Variants in ZNF718 observed in about 807,000 individuals in gnomAD.
The protein encoded by ZNF718 is zinc finger protein 718.
A neutral mutation model predicts 2.6 loss-of-function variants in ZNF718; 3 were observed. The observed-to-expected ratio is 1.16, with a 90% CI of 0.53 to 3.01. ZNF718 has a LOEUF of 3.01. ZNF718 is among the 30% of genes most tolerant of loss of function. ZNF718 has a pLI of 0.03. For missense variants in ZNF718, 468 were observed against 230.0 expected (o/e 2.03, Z -6.69); for synonymous variants, 135 against 77.9 (o/e 1.73, Z -3.86).
At chr4:141,189 A>G (rs1199600783) in intron 3 of ZNF718, among the ~76,000 whole-genome samples, 1 of 152,026 alleles carries the variant, frequency 6.6e-6, no homozygotes, top group African/African-American at 2.4e-5. Context: ...ATGAAAAAAA[A>G]AGAGAATAGT....
intron 1 of ZNF718, among the ~76,000 whole-genome samples, chr4:127,442 G>A (rs1344334803): frequency 9.7e-6 from 1 of 103,258 alleles, no homozygotes; most frequent in Non-Finnish European, 2.2e-5. Flanking sequence ...CAGAGATCAC[G>A]GGGCCCATAA....
intron 3 of ZNF718, among the ~76,000 whole-genome samples, chr4:200,775 C>G (rs782055961): frequency 7.2e-5 from 11 of 151,950 alleles, no homozygotes; most frequent in Non-Finnish European, 4.4e-5. Flanking sequence ...GTACATTTCA[C>G]ATAATTTTTT....
intron 3 of ZNF718, among the ~76,000 whole-genome samples, chr4:200,629 A>T (rs868923200): frequency 3.9e-5 from 6 of 152,274 alleles, no homozygotes; most frequent in Middle Eastern, 6.8e-3. Context: ...ACCAGAAAAA[A>T]TTACCAAACT....
intron 3 of ZNF718, among the ~76,000 whole-genome samples, chr4:160,331 T>C (rs1716767516): frequency 6.6e-6 from 1 of 152,202 alleles, no homozygotes. Flanking sequence ...TCGTGTTTTA[T>C]GTGGCTCTTG....
Position 133,192 on chromosome 4 carries a change from AAAAATAT to A in ZNF718, c.226+1689_226+1695del, listed in dbSNP as rs1192968704. On this transcript the variant is annotated intron_variant, in intron 3 of 3. Transcript: ENST00000510175. ...GACTCCATCTTAAAAAAAAAAAAAA[AAAAATAT>A]ATATATATATATATATATATATATA... 1.3e-3 allele frequency among the ~76,000 whole-genome samples: 29 copies of A among 22,464 alleles called. 9 individuals are homozygous for A. Among genetic ancestry groups the A allele is most frequent in the African/African-American group, 5.2e-3 (25 of 4,844 alleles). The allele number at this position is 22,464 out of a possible 152,430, so 14.7% of individuals were successfully genotyped here. A position where few individuals can be genotyped will look rare whatever the true frequency, so the allele number is the denominator to read the frequency against.
intron 3 of ZNF718, among the ~76,000 whole-genome samples, chr4:189,523 A>G (rs1717652263): frequency 6.6e-6 from 1 of 152,182 alleles, no homozygotes; most frequent in African/African-American, 2.4e-5. Flanking sequence ...TATTAGTTCA[A>G]GTAAGTTTTT....
At chr4:138,529 G>A (rs1715674132) in intron 3 of ZNF718, among the ~76,000 whole-genome samples, 1 of 152,158 alleles carries the variant, frequency 6.6e-6, no homozygotes, top group African/African-American at 2.4e-5. Flanking sequence ...GTCCATTCAT[G>A]TAAGGGACAC....
intron 3 of ZNF718, among the ~76,000 whole-genome samples, chr4:199,325 T>G (rs535096195): frequency 6.6e-6 from 1 of 152,312 alleles, no homozygotes; most frequent in South Asian, 2.1e-4. Context: ...CCACCATGAC[T>G]CTGGTAAATT....
chr4:168,068 G>A (rs948466322), downstream of ZNF718, among the ~76,000 whole-genome samples: 3 of 152,128 alleles, frequency 2.0e-5, no homozygotes, highest in Non-Finnish European at 4.4e-5. Flanking sequence ...GAAGGTTGTT[G>A]AATGTTTTCA....
At chr4:171,672 G>A (rs932717991) in intron 3 of ZNF718, among the ~76,000 whole-genome samples, 8 of 152,164 alleles carry the variant, frequency 5.3e-5, no homozygotes, top group Non-Finnish European at 1.0e-4. Flanking sequence ...CCTGGTGTGC[G>A]ATTTGCTAAG....
At chr4:149,733 C>G in intron 3 of ZNF718, 1 of 151,994 alleles carries the variant, frequency 6.6e-6, no homozygotes, top group East Asian at 1.9e-4. Context: ...TCAGTGTTTT[C>G]TTGTGTAGGT....
intron 3 of ZNF718, among the ~76,000 whole-genome samples, chr4:198,342 G>A (rs1234202008): frequency 2.6e-5 from 4 of 152,186 alleles, no homozygotes; most frequent in Non-Finnish European, 4.4e-5. Flanking sequence ...ATGAAGCCCT[G>A]TGATTGCTGC....
chr4:194,969 A>G (rs1394390077), intron 3 of ZNF718, among the ~76,000 whole-genome samples: 1 of 152,092 alleles, frequency 6.6e-6, no homozygotes, highest in Non-Finnish European at 1.5e-5. Flanking sequence ...ATGCTCACCA[A>G]TGTAGCAGTC....
At chr4:153,893 T>C (rs1455641346) in intron 3 of ZNF718, among the ~76,000 whole-genome samples, 1 of 152,192 alleles carries the variant, frequency 6.6e-6, no homozygotes, top group Non-Finnish European at 1.5e-5. Context: ...TTATTTGATA[T>C]TATAATTGTG....
chr4:146,025 CTT>C (rs1447226662), intron 3 of ZNF718, among the ~76,000 whole-genome samples: 7 of 150,112 alleles, frequency 4.7e-5, no homozygotes, highest in Admixed American at 6.6e-5. Flanking sequence ...TTTTTTGTAA[CTT>C]ATATCAGAGT....
chr4:176,628 A>G (rs1195763548), intron 3 of ZNF718, among the ~76,000 whole-genome samples: 1 of 152,032 alleles, frequency 6.6e-6, no homozygotes, highest in Non-Finnish European at 1.5e-5. Flanking sequence ...TGTATCCAAA[A>G]TGATGCCACT....
rs930320413 is a variant in ZNF718 at position 125,286 on chromosome 4, C to G, written c.3+613C>G. The G allele has an allele frequency of 2.6e-5, 4 of 152,860 alleles. No homozygotes were observed. In the East Asian group the frequency reaches 7.7e-4, roughly 29 times the overall value. 9.5% of individuals were successfully genotyped at this position (152,860 alleles called of 1,614,324 possible). On this transcript the variant is annotated intron_variant, in intron 1 of 3. Coordinates refer to ENST00000510175, the MANE Select transcript of ZNF718 (RefSeq NM_001039127.6). ...GCTGGTGTCGGTGCGCACAGCGCTT[C>G]TCTTAGTTCTGTGAGTAGTTCTGCC... is the stretch of plus-strand genomic sequence containing the variant.
rs150358308 is a variant in ZNF718, at chr4:180,915, C to T, written c.227-20166C>T. On this transcript the variant is annotated intron_variant and NMD_transcript_variant, in intron 3 of 4. Transcript: ENST00000642529. ...CTCTTAATATATTTATTCCTAGACC[C>T]AAATCAGATTTAAAACTTAAAATGT... 3.9e-5 allele frequency among the ~76,000 whole-genome samples: 6 copies of T among 152,220 alleles called. No homozygotes were observed. In the East Asian group the frequency reaches 9.7e-4, roughly 24 times the overall value.
chr4:180,885 G>C (rs781843870), intron 3 of ZNF718, among the ~76,000 whole-genome samples: 1 of 152,094 alleles, frequency 6.6e-6, no homozygotes, highest in African/African-American at 2.4e-5. Flanking sequence ...TAACTCATAA[G>C]AGTTCTCTTA....
Sources: gnomAD v4.1 joint callset for allele counts (sites outside exome capture counted in the v4.1 genomes callset) on GRCh38, gnomAD v4.1.1 for gene constraint, MANE v1.5 for transcripts, NCBI Gene and HGNC (gene_info 2026-07-23, HGNC 2026-07-21) for gene names.